The following CABIN1 variants were observed in gnomAD, a reference collection of about 807,000 sequenced individuals.
CABIN1 encodes the protein calcineurin binding protein 1.
In CABIN1, 133 loss-of-function variants were observed where a neutral mutation model predicts 227.7. That is an observed-to-expected ratio of 0.58 (90% CI 0.51 to 0.67). The LOEUF is 0.67. Among genes scored for constraint, CABIN1 ranks in the 30% least tolerant of loss-of-function variants. CABIN1 has a pLI of 0.00. For missense variants in CABIN1, 2,408 were observed against 2,852.5 expected, an observed-to-expected ratio of 0.84 and a Z score of 3.55; for synonymous variants, 1,086 against 1,155.1, an observed-to-expected ratio of 0.94 and a Z score of 1.21.
intron 15 of CABIN1, 99 bp downstream of exon 15, chr22:24,064,286 A>G (rs1413725277): frequency 7.8e-7 from 1 of 1,277,524 alleles, no homozygotes; most frequent in Non-Finnish European, 1.1e-6. Flanking sequence ...GCTCACTGCA[A>G]CCTACACCTC....
chr22:24,042,879 T>TTTA, intron 5 of CABIN1, 25 bp from the exon 6 acceptor site: 1 of 1,450,352 alleles, frequency 6.9e-7, no homozygotes, highest in Non-Finnish European at 9.5e-7. Flanking sequence ...TGTGTGTGTT[T>TTTA]GCCCTCTGCT....
At chr22:24,175,293 A>G (rs1823309528) in intron 34 of CABIN1, among the ~76,000 whole-genome samples, 1 of 152,216 alleles carries the variant, frequency 6.6e-6, no homozygotes, top group Non-Finnish European at 1.5e-5. Context: ...CTAGCCCAGC[A>G]GTCGCCTGCT....
intron 16 of CABIN1, among the ~76,000 whole-genome samples, chr22:24,069,338 C>T (rs914587133): frequency 1.3e-5 from 2 of 152,072 alleles, no homozygotes; most frequent in African/African-American, 2.4e-5. Context: ...CACTGAGTTC[C>T]CATTATTTCT....
At chr22:24,163,967 G>T (rs115701002) in intron 29 of CABIN1, among the ~76,000 whole-genome samples, 2,442 of 152,308 alleles carry the variant, frequency 0.016, 80 homozygotes, top group African/African-American at 0.056. Context: ...TGAGGGCAGA[G>T]CCTAGCCAGA....
chr22:24,138,345 C>T (rs2044543204), intron 29 of CABIN1, among the ~76,000 whole-genome samples: 1 of 152,184 alleles, frequency 6.6e-6, no homozygotes, highest in African/African-American at 2.4e-5. Flanking sequence ...GCTGGGACTA[C>T]AGACATGCAC....
chr22:24,111,783 A>C (rs1244325971), intron 26 of CABIN1, among the ~76,000 whole-genome samples: 1 of 152,250 alleles, frequency 6.6e-6, no homozygotes, highest in African/African-American at 2.4e-5. Flanking sequence ...TTTAAGTTGA[A>C]CCATTGTAAG....
intron 13 of CABIN1, 74 bp from the exon 14 acceptor site, chr22:24,062,885 G>A: frequency 6.7e-7 from 1 of 1,492,472 alleles, no homozygotes; most frequent in Non-Finnish European, 9.4e-7. Flanking sequence ...TTAGGGCCAA[G>A]TGCAACTTCT....
At position 24,166,927 on chromosome 22, in the gene CABIN1, G is replaced by A; in HGVS notation, c.5296G>A (p.Ala1766Thr). 1 of 1,602,962 alleles carries A rather than the reference G, an allele frequency of 6.2e-7. No individual in the cohort carries two copies. The highest frequency in any genetic ancestry group is 8.5e-7 in the Non-Finnish European group (1 of 1,175,340). ...GPTEPMDTSE[A>T]TVCHSDLERT... ...CACTGAGCCCATGGACACGAGTGAGGCCACTGTTTGCCACTCAGACTTGGA... is the reference window on the plus strand; with the variant it reads ...CACTGAGCCCATGGACACGAGTGAGACCACTGTTTGCCACTCAGACTTGGA... The change falls in exon 32 of 37, where the codon GCC (alanine) becomes ACC (threonine). Residue 1766 changes from alanine (A) to threonine (T), a missense_variant. This residue lies in a region of CABIN1 where 714 missense variants were observed against 773.8 expected (regional missense o/e 0.92). Transcript: ENST00000263119.
intron 6 of CABIN1, among the ~76,000 whole-genome samples, chr22:24,046,385 A>C (rs1189355860): frequency 6.6e-6 from 1 of 151,514 alleles, no homozygotes; most frequent in Non-Finnish European, 1.5e-5. Context: ...CCCTCATTTC[A>C]CTCCCACCAG....
intron 22 of CABIN1, 59 bp downstream of exon 22, chr22:24,085,210 T>G: frequency 6.3e-7 from 1 of 1,592,560 alleles, no homozygotes; most frequent in Non-Finnish European, 8.6e-7. Flanking sequence ...TGACTCCAGC[T>G]CAGCAAGCTC....
At chr22:24,104,429 C>A (rs776844293) in intron 26 of CABIN1, among the ~76,000 whole-genome samples, 6 of 152,176 alleles carry the variant, frequency 3.9e-5, no homozygotes, top group Admixed American at 6.5e-5. Context: ...GCATCAGGCC[C>A]CTTCAGGGCA....
At chr22:24,090,627 A>G (rs1207705827) in intron 23 of CABIN1, among the ~76,000 whole-genome samples, 1 of 151,736 alleles carries the variant, frequency 6.6e-6, no homozygotes, top group African/African-American at 2.4e-5. Flanking sequence ...CACATAAACA[A>G]GCACCCACTG....
intron 23 of CABIN1, among the ~76,000 whole-genome samples, chr22:24,090,134 CA>C (rs946898490): frequency 5.9e-5 from 9 of 152,238 alleles, no homozygotes; most frequent in African/African-American, 2.2e-4. Context: ...ACCACAAGGA[CA>C]GGGACATTGG....
chr22:24,017,135 C>G (rs943034820), intron 1 of CABIN1, among the ~76,000 whole-genome samples: 5 of 148,184 alleles, frequency 3.4e-5, no homozygotes, highest in Non-Finnish European at 7.4e-5. Flanking sequence ...CTCTTGGGTT[C>G]AAGCAATTCT....
chr22:24,025,686 T>C (rs1353123010), intron 1 of CABIN1, among the ~76,000 whole-genome samples: 1 of 152,240 alleles, frequency 6.6e-6, no homozygotes, highest in East Asian at 1.9e-4. Context: ...TTTGTTTTGC[T>C]TTGTTTGAGA....
chr22:24,165,098 T>TG (rs2046369424), intron 30 of CABIN1, among the ~76,000 whole-genome samples: 1 of 152,216 alleles, frequency 6.6e-6, no homozygotes, highest in Non-Finnish European at 1.5e-5. Context: ...GGGCCTGGCC[T>TG]GGAGGCCTCA....
At chr22:24,155,024 AG>A (rs2045698971) in intron 29 of CABIN1, among the ~76,000 whole-genome samples, 1 of 151,832 alleles carries the variant, frequency 6.6e-6, no homozygotes, top group African/African-American at 2.4e-5. Flanking sequence ...ATGGGGGCAA[AG>A]GGTTGGGGGT....
intron 28 of CABIN1, among the ~76,000 whole-genome samples, chr22:24,133,162 C>T (rs1022892489): frequency 4.6e-5 from 7 of 152,168 alleles, no homozygotes; most frequent in African/African-American, 1.7e-4. Flanking sequence ...CTACATACAG[C>T]CACAGGGCCC....
chr22:24,160,043 A>G (rs897240240), intron 29 of CABIN1, among the ~76,000 whole-genome samples: 2 of 152,066 alleles, frequency 1.3e-5, no homozygotes, highest in African/African-American at 4.8e-5. Flanking sequence ...GTAGGAAGAG[A>G]CTTGAGGTGG....
Sources: allele counts gnomAD v4.1 joint callset (sites outside exome capture counted in the v4.1 genomes callset), GRCh38; gene constraint gnomAD v4.1.1; regional missense constraint gnomAD v4.1.1; transcripts MANE v1.5; gene names NCBI Gene and HGNC (gene_info 2026-07-23, HGNC 2026-07-21).